TNC: variants seen among roughly 807,000 people sequenced by gnomAD.
The protein encoded by TNC is tenascin.
A neutral mutation model predicts 202.4 loss-of-function variants in TNC; 109 were observed. The observed-to-expected ratio is 0.54, with a 90% CI of 0.46 to 0.63. TNC has a LOEUF of 0.63. Among genes scored for constraint, TNC ranks in the 30% least tolerant of loss-of-function variants. The pLI is 0.00. For missense variants in TNC, 2,756 were observed against 2,833.3 expected, an observed-to-expected ratio of 0.97 and a Z score of 0.62; for synonymous variants, 1,007 against 1,089.7, an observed-to-expected ratio of 0.92 and a Z score of 1.50.
intron 25 of TNC, among the ~76,000 whole-genome samples, chr9:115,027,494 G>T (rs933948408): frequency 6.6e-6 from 1 of 151,972 alleles, no homozygotes; most frequent in African/African-American, 2.4e-5. Flanking sequence ...GGGGGCTGAG[G>T]CAGGCGAATT....
chr9:115,090,027 T>C (rs1835097831), intron 2 of TNC, among the ~76,000 whole-genome samples: 1 of 152,246 alleles, frequency 6.6e-6, no homozygotes, highest in Non-Finnish European at 1.5e-5. Context: ...AACTTTTTTC[T>C]AATTCTTATA....
intron 2 of TNC, among the ~76,000 whole-genome samples, chr9:115,087,500 C>T (rs971618201): frequency 6.7e-6 from 1 of 149,328 alleles, no homozygotes; most frequent in Non-Finnish European, 1.5e-5. Flanking sequence ...GGCTTGTATG[C>T]CAAAACAGTG....
At chr9:115,041,748 C>T (rs12343737) in intron 18 of TNC, among the ~76,000 whole-genome samples, 15,868 of 152,142 alleles carry the variant, frequency 0.1, 892 homozygotes, top group Middle Eastern at 0.17. Flanking sequence ...GACTGGGCTT[C>T]CTCCTTGTGG....
intron 27 of TNC, among the ~76,000 whole-genome samples, chr9:115,021,979 G>A (rs1033310389): frequency 3.9e-5 from 6 of 152,150 alleles, no homozygotes; most frequent in African/African-American, 1.4e-4. Flanking sequence ...TCAAGTAGGG[G>A]GAAATATCCT....
chr9:115,116,031 A>T (rs1476104509), intron 1 of TNC, among the ~76,000 whole-genome samples: 5 of 152,214 alleles, frequency 3.3e-5, no homozygotes, highest in Admixed American at 6.5e-5. Flanking sequence ...TGAACCCTTA[A>T]TATGTGGAAG....
chr9:115,021,171 G>C lies in TNC; in HGVS notation c.6592C>G (p.Arg2198Gly). 1 of 1,613,572 alleles carries C rather than the reference G, an allele frequency of 6.2e-7. No individual in the cohort carries two copies. Among genetic ancestry groups the C allele is most frequent in the Non-Finnish European group, 8.5e-7 (1 of 1,179,752 alleles). Residue 2198 changes from arginine to glycine, a missense_variant, in exon 28 of 28, where the codon CGC (arginine) becomes GGC (glycine). Transcript: ENST00000350763. ...PSNFRNLEGR[R>G]KRA is the part of the protein sequence containing the mutation. ...GTCCCTGGAATTTATGCCCGTTTGC[G>C]CCTGCCTTCAAGATTTCTGAAGTTG...
At chr9:115,105,228 C>A (rs75219905) in intron 1 of TNC, among the ~76,000 whole-genome samples, 15 of 152,266 alleles carry the variant, frequency 9.9e-5, no homozygotes, top group African/African-American at 3.4e-4. Context: ...AGACTACTCC[C>A]GTAATTAATT....
intron 17 of TNC, among the ~76,000 whole-genome samples, chr9:115,043,716 G>A (rs910042287): frequency 6.7e-6 from 1 of 149,724 alleles, no homozygotes; most frequent in African/African-American, 2.5e-5. Flanking sequence ...AGGAAAGATC[G>A]AGATGAGTCT....
At chr9:115,063,666 G>T in intron 12 of TNC, 130 bp downstream of exon 12, 1 of 1,029,366 alleles carries the variant, frequency 9.7e-7, no homozygotes, top group South Asian at 1.7e-5. Flanking sequence ...TTAGGAAGAA[G>T]CAGAGATGAT....
chr9:115,073,979 G>T, intron 9 of TNC, 113 bp from the exon 10 acceptor site: 2 of 1,099,946 alleles, frequency 1.8e-6, no homozygotes, highest in Non-Finnish European at 2.6e-6. Context: ...CAGAGGAGCT[G>T]AGGGACCACA....
rs774213461 is a variant in TNC, at chr9:115,021,283, A to AGAGAGAG, written c.6496-17_6496-16insCTCTCTC. 1.8e-6 allele frequency: 2 copies of AGAGAGAG among 1,102,320 alleles called. No homozygotes were observed. The highest frequency in any genetic ancestry group is 6.2e-5 in the East Asian group (2 of 32,488). The allele number at this position is 1,102,320 out of a possible 1,614,324, so 68.3% of individuals were successfully genotyped here. A position where few individuals can be genotyped will look rare whatever the true frequency, so the allele number is the denominator to read the frequency against. ...AGTTAACGCCCTGTTAAAAAAAAAA[A>AGAGAGAG]AGAGAGAGAGAGAGAGAGAGAGAAG... On this transcript the variant is annotated splice_polypyrimidine_tract_variant and intron_variant, in intron 27 of 27. Coordinates refer to ENST00000350763, the MANE Select transcript of TNC (RefSeq NM_002160.4).
chr9:115,068,447 G>A (rs578130369), intron 10 of TNC, among the ~76,000 whole-genome samples: 14 of 152,286 alleles, frequency 9.2e-5, no homozygotes, highest in East Asian at 7.7e-4. Flanking sequence ...TCACTTCAGC[G>A]TCCACTTAGG....
chr9:115,049,674 T>A (rs1588061272), intron 15 of TNC, among the ~76,000 whole-genome samples: 1 of 95,044 alleles, frequency 1.1e-5, no homozygotes, highest in East Asian at 2.5e-4. Context: ...TACTGGTAAA[T>A]GCATTTTTTT....
Position 115,090,875 on chromosome 9 carries a change from C to T in TNC, c.144G>A (p.Val48=). 6.2e-7 allele frequency: 1 copy of T among 1,614,210 alleles called. No homozygotes were observed. The highest frequency in any genetic ancestry group is 1.3e-5 in the African/African-American group (1 of 75,052). ...NATLPEENQP[V]VFNHVYNIKL... is the part of the protein sequence containing the mutation. ...TGATGTTGTAAACGTGGTTAAACAC[C>T]ACTGGCTGGTTCTCTTCTGGCAGGG... The change falls in exon 2 of 28, where the codon GTG becomes GTA. Residue 48 remains valine, a synonymous_variant. Transcript: ENST00000350763.
Position 115,086,008 on chromosome 9 carries a change from C to G in TNC, c.1723G>C (p.Asp575His), listed in dbSNP as rs759420040. 5.6e-6 allele frequency: 9 copies of G among 1,613,978 alleles called. No individual in the cohort carries two copies. In the South Asian group the frequency reaches 7.7e-5, roughly 14 times the overall value. Residue 575 changes from aspartate to histidine, a missense_variant, in exon 3 of 28, where the codon GAC (aspartate) becomes CAC (histidine). Transcript: ENST00000350763. ...SDCHGQGRCV[D>H]GQCICHEGFT... is the part of the protein sequence containing the mutation. ...CCCTCGTGGCAGATGCACTGGCCGT[C>G]CACGCAGCGGCCCTGGCCATGACAG... is the stretch of plus-strand genomic sequence containing the variant.
chr9:115,078,914 C>G (rs964882724), intron 6 of TNC, among the ~76,000 whole-genome samples: 2 of 152,110 alleles, frequency 1.3e-5, no homozygotes, highest in Admixed American at 6.6e-5. Flanking sequence ...TTTCTAAGAT[C>G]ATACTTCCCT....
At chr9:115,034,810 G>T (rs1178413206) in intron 22 of TNC, among the ~76,000 whole-genome samples, 3 of 152,160 alleles carry the variant, frequency 2.0e-5, no homozygotes, top group Non-Finnish European at 4.4e-5. Context: ...ATTAACAGTT[G>T]ATATCATAAG....
Position 115,091,019 on chromosome 9 carries a change from G to C in TNC, c.-1C>G, listed in dbSNP as rs1223412950. 1 of 1,607,646 alleles carries C rather than the reference G, an allele frequency of 6.2e-7. No homozygotes were observed. The stretch of plus-strand genomic sequence containing the variant: ...CCAACAGCTGAGTCATGGCCCCCAT[G>C]GTGGAGGTGGGTTTGGCTGGGTGCT... On this transcript the variant is annotated 5_prime_UTR_variant, in exon 2 of 28. Transcript: ENST00000350763.
rs1356623020 is a variant in TNC, at chr9:115,024,134, C to T, written c.6334G>A (p.Asp2112Asn). ...CTGCCATTGTGGTAGGCCATGGAGT[C>T]ACCTGGGAGAGACAGAAAATATGGA... ...KVEGYSGTAG[D>N]SMAYHNGRSF... Residue 2112 changes from aspartate (D) to asparagine (N), a missense_variant and splice_region_variant, in exon 27 of 28, where the codon GAC becomes AAC. Asp to Asn is a conservative substitution (Grantham distance 23). Around this residue, in one of 2 missense-constraint regions of TNC, gnomAD observed 197 missense variants for 287.3 expected, o/e 0.69. Transcript: ENST00000350763. 6.2e-7 allele frequency: 1 copy of T among 1,612,174 alleles called. No individual in the cohort carries two copies. Among genetic ancestry groups the T allele is most frequent in the Non-Finnish European group, 8.5e-7 (1 of 1,178,468 alleles).
Sources: gnomAD v4.1 joint callset for allele counts (sites outside exome capture counted in the v4.1 genomes callset) on GRCh38, gnomAD v4.1.1 for gene constraint, gnomAD v4.1.1 regional missense constraint, MANE v1.5 for transcripts, NCBI Gene and HGNC (gene_info 2026-07-23, HGNC 2026-07-21) for gene names.